Variants in GNA13 observed in about 807,000 individuals in gnomAD.
GNA13 encodes the protein G protein subunit alpha 13.
In GNA13, 4 loss-of-function variants were observed where a neutral mutation model predicts 33.5. The observed-to-expected ratio is 0.12, with a 90% CI of 0.06 to 0.27. The LOEUF (loss-of-function observed/expected upper bound fraction) is 0.27. GNA13 is among the 10% of genes least tolerant of loss of function. The probability of loss-of-function intolerance (pLI) is 1.00; values close to 1 mark genes in which losing one functional copy is unlikely to be tolerated. For synonymous variants in GNA13, 176 were observed against 183.8 expected, an observed-to-expected ratio of 0.96 and a Z score of 0.34; for missense variants, 319 against 487.2, an observed-to-expected ratio of 0.65 and a Z score of 3.25.
In GNA13 at chr17:65,012,559, A is replaced by G. The variant is rs2143762373; in HGVS notation, c.*1698T>C. The G allele has an allele frequency of 4.5e-6, 1 of 221,048 alleles. No homozygotes were observed. The highest frequency in any genetic ancestry group is 1.8e-4 in the South Asian group (1 of 5,414). 13.7% of individuals were successfully genotyped at this position (221,048 alleles called of 1,614,324 possible). ...ATTACCATGGCATGAAAATGCTAGA[A>G]GTTATATGGATACAATGATAGTGGA... On this transcript the variant is annotated 3_prime_UTR_variant, in exon 4 of 4. Transcript: ENST00000439174.
intron 3 of GNA13, among the ~76,000 whole-genome samples, chr17:65,016,379 TGA>T (rs1471258787): frequency 6.6e-6 from 1 of 152,174 alleles, no homozygotes; most frequent in African/African-American, 2.4e-5. Context: ...CATATTTTTT[TGA>T]GATGGAGTCT....
intron 2 of GNA13, among the ~76,000 whole-genome samples, chr17:65,031,916 G>C (rs1907047606): frequency 7.0e-6 from 1 of 142,718 alleles, no homozygotes; most frequent in African/African-American, 3.0e-5. Flanking sequence ...GAGAGAGAGA[G>C]AGAGAGTGTG....
intron 2 of GNA13, among the ~76,000 whole-genome samples, chr17:65,052,661 T>C (rs1368559044): frequency 6.6e-6 from 1 of 152,256 alleles, no homozygotes; most frequent in Non-Finnish European, 1.5e-5. Flanking sequence ...TTCTGTATCT[T>C]TAACCTGGAT....
At chr17:65,027,023 C>A (rs1906811776) in intron 2 of GNA13, among the ~76,000 whole-genome samples, 1 of 152,172 alleles carries the variant, frequency 6.6e-6, no homozygotes, top group African/African-American at 2.4e-5. Context: ...GGTGATCCGC[C>A]CACCTTGGCC....
At chr17:65,040,325 C>T (rs1290814539) in intron 2 of GNA13, among the ~76,000 whole-genome samples, 2 of 152,178 alleles carry the variant, frequency 1.3e-5, no homozygotes, top group Non-Finnish European at 2.9e-5. Flanking sequence ...TTTAAAGTCC[C>T]TACCATGTTT....
rs112959899 is a variant in GNA13, at chr17:65,023,212, T to G, written c.511-4909A>C. 2.9e-3 allele frequency among the ~76,000 whole-genome samples: 441 copies of G among 152,354 alleles called. 4 individuals carry two copies. Among genetic ancestry groups the G allele is most frequent in the African/African-American group, 0.01 (424 of 41,576 alleles). On this transcript the variant is annotated intron_variant, in intron 2 of 3. Transcript: ENST00000439174. ...AAGGGGGTCAAACATGCAAAACCTG[T>G]GTAAGGGTTACTCACTGCATTACTC...
chr17:65,025,462 T>C (rs1471452937), intron 2 of GNA13, among the ~76,000 whole-genome samples: 1 of 152,164 alleles, frequency 6.6e-6, no homozygotes, highest in African/African-American at 2.4e-5. Context: ...CTAACTCAGA[T>C]TTTGTGGTTA....
At chr17:65,049,580 G>A (rs1168103029) in intron 2 of GNA13, among the ~76,000 whole-genome samples, 1 of 152,156 alleles carries the variant, frequency 6.6e-6, no homozygotes, top group African/African-American at 2.4e-5. Flanking sequence ...GTACTGTGAG[G>A]AGTGACAGGA....
chr17:65,049,638 CAA>C, intron 2 of GNA13, among the ~76,000 whole-genome samples: 1 of 152,116 alleles, frequency 6.6e-6, no homozygotes, highest in Non-Finnish European at 1.5e-5. Flanking sequence ...CCATTCTAGC[CAA>C]GAAGACTGGA....
At chr17:65,042,114 T>C (rs1333814405) in intron 2 of GNA13, among the ~76,000 whole-genome samples, 1 of 152,086 alleles carries the variant, frequency 6.6e-6, no homozygotes, top group Non-Finnish European at 1.5e-5. Flanking sequence ...ATCCCCGCAC[T>C]TAGGGAGGTC....
Position 65,022,057 on chromosome 17 carries a change from T to C in GNA13, c.511-3754A>G, listed in dbSNP as rs1906600664. ...ACCAGGGGTCTGTCCACAAACTATA[T>C]AGCCTGAAGGCCAAATCCAACCCAA... On this transcript the variant is annotated intron_variant, in intron 2 of 3. Transcript: ENST00000439174. 3.9e-5 allele frequency among the ~76,000 whole-genome samples: 6 copies of C among 152,344 alleles called. No homozygotes were observed. The South Asian group carries it at 1.2e-3, about 32-fold the overall frequency.
intron 2 of GNA13, among the ~76,000 whole-genome samples, chr17:65,049,387 CTGGGA>C (rs1474812423): frequency 6.6e-6 from 1 of 152,154 alleles, no homozygotes; most frequent in African/African-American, 2.4e-5. Context: ...TCCCAAAGAG[CTGGGA>C]TTACAGGTAT....
intron 2 of GNA13, among the ~76,000 whole-genome samples, chr17:65,036,866 T>C (rs1337949878): frequency 6.6e-6 from 1 of 152,228 alleles, no homozygotes; most frequent in Non-Finnish European, 1.5e-5. Context: ...TGCACACTCT[T>C]GGCAGAACAG....
intron 2 of GNA13, 109 bp from the exon 3 acceptor site, chr17:65,018,412 G>A (rs760935190): frequency 1.0e-5 from 7 of 684,766 alleles, no homozygotes; most frequent in Non-Finnish European, 1.9e-5. Flanking sequence ...AACAGACTTT[G>A]TTTAGTCACC....
chr17:65,054,788 T>G (rs1277304783), intron 1 of GNA13, among the ~76,000 whole-genome samples: 5 of 152,246 alleles, frequency 3.3e-5, no homozygotes, highest in Non-Finnish European at 7.3e-5. Context: ...TTCATTAACA[T>G]AATTCCTTAA....
intron 2 of GNA13, among the ~76,000 whole-genome samples, chr17:65,043,146 G>A (rs957676598): frequency 2.6e-5 from 4 of 152,228 alleles, no homozygotes; most frequent in Non-Finnish European, 4.4e-5. Flanking sequence ...AGTGGCAGCC[G>A]GAAGACGAAC....
At position 65,018,253 on chromosome 17, in the gene GNA13, T is replaced by G; in HGVS notation, c.561A>C (p.Pro187=). Residue 187 remains proline, a splice_region_variant and synonymous_variant, in exon 3 of 4, where the codon CCA becomes CCC. Coordinates refer to ENST00000439174, the MANE Select transcript of GNA13 (RefSeq NM_006572.6). The part of the protein sequence containing the change: ...FLDNLDKLGE[P]DYIPSQQDIL... ...ATAAACATTTGGTTTAAACACTTAC[T>G]GGTTCTCCAAGTTTATCCAAGTTAT... 6.7e-7 allele frequency: 1 copy of G among 1,502,382 alleles called. No homozygotes were observed. The highest frequency in any genetic ancestry group is 9.3e-7 in the Non-Finnish European group (1 of 1,078,782). The allele number at this position is 1,502,382 out of a possible 1,614,324, so 93.1% of individuals were successfully genotyped here. A position where few individuals can be genotyped will look rare whatever the true frequency, so the allele number is the denominator to read the frequency against.
At chr17:65,044,058 G>A (rs1907564357) in intron 2 of GNA13, among the ~76,000 whole-genome samples, 2 of 152,300 alleles carry the variant, frequency 1.3e-5, no homozygotes, top group South Asian at 2.1e-4. Context: ...GGAGGTCAAG[G>A]CTACATACAG....
intron 2 of GNA13, among the ~76,000 whole-genome samples, chr17:65,050,528 A>G (rs1432269526): frequency 6.6e-6 from 1 of 152,228 alleles, no homozygotes; most frequent in Non-Finnish European, 1.5e-5. Context: ...CAGGAGTCCA[A>G]GACCAGCACT....
Sources: allele counts gnomAD v4.1 joint callset (sites outside exome capture counted in the v4.1 genomes callset), GRCh38; gene constraint gnomAD v4.1.1; transcripts MANE v1.5; gene names NCBI Gene and HGNC (gene_info 2026-07-23, HGNC 2026-07-21).